The following EML6 variants were observed in gnomAD, a reference collection of about 807,000 sequenced individuals.
EML6 encodes EMAP like 6.
In EML6, 154 loss-of-function variants were observed where a neutral mutation model predicts 240.1. The ratio of observed to expected loss-of-function variants is 0.64; its 90% CI spans 0.56 to 0.73. The LOEUF is 0.73. Ranked by LOEUF, EML6 falls within the 30% of genes least tolerant of loss-of-function variation. The probability of loss-of-function intolerance (pLI) is 0.00; values close to 1 mark genes in which losing one functional copy is unlikely to be tolerated. For synonymous variants in EML6, 1,148 were observed against 899.0 expected (o/e 1.28, Z -4.95); for missense variants, 2,964 against 2,474.6 (o/e 1.20, Z -4.20).
chr2:54,736,849 G>T (rs1023784271), intron 2 of EML6, among the ~76,000 whole-genome samples: 1 of 152,166 alleles, frequency 6.6e-6, no homozygotes, highest in African/African-American at 2.4e-5. Context: ...TGCCAAAAAT[G>T]CATGGCGTCA....
At chr2:54,888,200 T>C (rs115385742) in intron 17 of EML6, among the ~76,000 whole-genome samples, 3,302 of 152,212 alleles carry the variant, frequency 0.022, 110 homozygotes, top group African/African-American at 0.071. Flanking sequence ...TGAGGCATGA[T>C]CTGATTGGAT....
rs568802128 is a variant in EML6 at position 54,866,850 on chromosome 2, C to T, written c.2017C>T (p.Pro673Ser). ...GCCCTTCCTCAAACGAGAAAAGGCTCCTGAGGACAGCTTGAAACTCCAGTT... is the reference window on the plus strand; with the variant it reads ...GCCCTTCCTCAAACGAGAAAAGGCTTCTGAGGACAGCTTGAAACTCCAGTT... ...AVPFLKREKA[P>S]EDSLKLQFIH... is the part of the protein sequence containing the mutation. The change falls in exon 14 of 42, where the codon CCT (proline) becomes TCT (serine). Residue 673 changes from proline (P) to serine (S), a missense_variant. Transcript: ENST00000356458. 1.3e-5 allele frequency: 20 copies of T among 1,551,078 alleles called. No homozygotes were observed. The African/African-American group carries it at 2.2e-4, about 17-fold the overall frequency.
intron 28 of EML6, among the ~76,000 whole-genome samples, chr2:54,932,789 C>A (rs750361326): frequency 1.3e-4 from 20 of 152,196 alleles, no homozygotes; most frequent in Non-Finnish European, 2.2e-4. Context: ...GATGAAATCC[C>A]TAAGGTTTGC....
intron 28 of EML6, among the ~76,000 whole-genome samples, chr2:54,942,966 A>C (rs1316009871): frequency 6.6e-6 from 1 of 151,304 alleles, no homozygotes; most frequent in East Asian, 1.9e-4. Context: ...TCCTCCTACC[A>C]CCTGCCTCTC....
In EML6 at chr2:54,829,392, G is replaced by A. The variant is rs1668752223; in HGVS notation, c.762G>A (p.Gly254=). 1.3e-6 allele frequency: 2 copies of A among 1,551,850 alleles called. No individual in the cohort carries two copies. The highest frequency in any genetic ancestry group is 1.7e-6 in the Non-Finnish European group (2 of 1,146,928). The change falls in exon 7 of 42, where the codon GGG becomes GGA. Residue 254 remains glycine, a synonymous_variant. Transcript: ENST00000356458. The part of the protein sequence containing the change: ...YACEEGFATG[G]RDGCIRLWDT... The stretch of plus-strand genomic sequence containing the variant: ...GTGAAGAAGGCTTTGCCACTGGTGG[G>A]CGAGATGGGTGTATACGACTGTGGG...
chr2:54,923,394 C>T (rs943754998), intron 26 of EML6, among the ~76,000 whole-genome samples: 11 of 151,758 alleles, frequency 7.2e-5, no homozygotes, highest in Admixed American at 6.6e-4. Flanking sequence ...CACACACACA[C>T]ACACACACAC....
intron 2 of EML6, among the ~76,000 whole-genome samples, chr2:54,789,792 G>A (rs1206164288): frequency 1.3e-5 from 2 of 152,158 alleles, no homozygotes; most frequent in East Asian, 3.9e-4. Flanking sequence ...AGAATAGAAG[G>A]AATTTGAATC....
chr2:54,783,438 C>T (rs1398468583), intron 2 of EML6, among the ~76,000 whole-genome samples: 1 of 152,188 alleles, frequency 6.6e-6, no homozygotes, highest in Non-Finnish European at 1.5e-5. Flanking sequence ...ACCATTAGGT[C>T]AGTTTGTACA....
chr2:54,812,067 G>A (rs1027201620), intron 2 of EML6, among the ~76,000 whole-genome samples: 14 of 152,224 alleles, frequency 9.2e-5, no homozygotes, highest in Admixed American at 5.9e-4. Flanking sequence ...GTTTATGTTG[G>A]TTATAGATAT....
chr2:54,885,617 CTTT>C (rs1490665510), intron 17 of EML6, among the ~76,000 whole-genome samples: 1 of 151,890 alleles, frequency 6.6e-6, no homozygotes, highest in Admixed American at 6.6e-5. Flanking sequence ...TTTTGATTTT[CTTT>C]TTTTCTTTTT....
chr2:54,835,554 C>T (rs573238907), intron 7 of EML6, among the ~76,000 whole-genome samples: 3 of 152,214 alleles, frequency 2.0e-5, no homozygotes, highest in Non-Finnish European at 4.4e-5. Flanking sequence ...CGGATCTCCA[C>T]TTAGTTCTCC....
At chr2:54,757,349 G>A (rs1667779972) in intron 2 of EML6, among the ~76,000 whole-genome samples, 1 of 152,122 alleles carries the variant, frequency 6.6e-6, no homozygotes, top group South Asian at 2.1e-4. Context: ...TTCACCATAG[G>A]GTGTTAAGGT....
chr2:54,928,873 C>CA, intron 28 of EML6, 122 bp downstream of exon 28: 1 of 1,181,134 alleles, frequency 8.5e-7, no homozygotes, highest in Admixed American at 2.1e-5. Context: ...TAAATCTTCA[C>CA]AGAGTCTTCA....
At chr2:54,726,551 T>G (rs1042919325) in intron 2 of EML6, among the ~76,000 whole-genome samples, 11 of 152,234 alleles carry the variant, frequency 7.2e-5, no homozygotes, top group African/African-American at 2.6e-4. Flanking sequence ...AAGATGGGAG[T>G]GCTAATGTTC....
At chr2:54,841,870 G>A (rs1669477122) in intron 7 of EML6, among the ~76,000 whole-genome samples, 1 of 152,040 alleles carries the variant, frequency 6.6e-6, no homozygotes, top group Non-Finnish European at 1.5e-5. Context: ...TGGGATTACA[G>A]GCATGAGCCA....
At chr2:54,919,766 A>T (rs1390579859) in intron 26 of EML6, among the ~76,000 whole-genome samples, 1 of 152,080 alleles carries the variant, frequency 6.6e-6, no homozygotes, top group South Asian at 2.1e-4. Context: ...TACTTCCCCT[A>T]CCTGACAAGG....
In EML6 at chr2:54,864,926, C is replaced by A. The variant is rs767196494; in HGVS notation, c.1932+1037C>A. 2.4e-4 allele frequency among the ~76,000 whole-genome samples: 37 copies of A among 152,266 alleles called. 1 individual carries two copies. Among genetic ancestry groups the A allele is most frequent in the African/African-American group, 8.9e-4 (37 of 41,564 alleles). ...TTAATGGTTTGGGTCAGCCCCATGA[C>A]GAAATCATCTTGACTGTGCATTGAC... On this transcript the variant is annotated intron_variant, in intron 13 of 41. Transcript: ENST00000356458.
intron 2 of EML6, among the ~76,000 whole-genome samples, chr2:54,794,198 G>T (rs766638537): frequency 6.6e-6 from 1 of 152,146 alleles, no homozygotes; most frequent in African/African-American, 2.4e-5. Flanking sequence ...TGGTCATGCA[G>T]CAGGGGAGCT....
At chr2:54,847,685 C>T in intron 9 of EML6, 62 bp downstream of exon 9, 1 of 1,529,412 alleles carries the variant, frequency 6.5e-7, no homozygotes, top group Non-Finnish European at 8.8e-7. Flanking sequence ...TACAATTTTC[C>T]TGGTCATAAT....
Sources: allele counts gnomAD v4.1 joint callset (sites outside exome capture counted in the v4.1 genomes callset), GRCh38; gene constraint gnomAD v4.1.1; transcripts MANE v1.5; gene names NCBI Gene and HGNC (gene_info 2026-07-23, HGNC 2026-07-21).